NOC2L: variants seen among roughly 807,000 people sequenced by gnomAD.
NOC2L encodes nucleolar complex protein 2 homolog.
A neutral mutation model predicts 94.2 loss-of-function variants in NOC2L; 101 were observed. The observed-to-expected ratio is 1.07, with a 90% CI of 0.91 to 1.26. NOC2L has a LOEUF of 1.26. NOC2L is among the 50% of genes most tolerant of loss of function. NOC2L has a pLI of 0.00. For synonymous variants in NOC2L, 531 were observed against 413.4 expected (o/e 1.28, Z -3.45); for missense variants, 1,076 against 980.1 (o/e 1.10, Z -1.31).
At chr1:957,470 C>T (rs1642443875) in intron 2 of NOC2L, 197 bp from the exon 3 acceptor site, 1 of 593,528 alleles carries the variant, frequency 1.7e-6, no homozygotes, top group Non-Finnish European at 3.0e-6. Context: ...TACACAGGCC[C>T]CCCAGCCGCG....
chr1:952,267 C>G, intron 10 of NOC2L, 128 bp from the exon 11 acceptor site: 1 of 1,400,924 alleles, frequency 7.1e-7, no homozygotes, highest in Admixed American at 1.9e-5. Context: ...CCACCCTTCC[C>G]CCACCTGCAA....
intron 2 of NOC2L, chr1:958,603 C>T (rs371388299): frequency 3.7e-6 from 2 of 541,132 alleles, no homozygotes; most frequent in African/African-American, 1.9e-5. Context: ...TCTTCAGCCC[C>T]TCTGTCCTTC....
In NOC2L at chr1:945,593, C is replaced by T. The variant is rs1473280812; in HGVS notation, c.1978G>A (p.Asp660Asn). 8.7e-6 allele frequency: 14 copies of T among 1,613,874 alleles called. No individual in the cohort carries two copies. Among genetic ancestry groups the T allele is most frequent in the Admixed American group, 1.7e-5 (1 of 60,006 alleles). ...RRKMADRKDEDRKQFKDLFDL... is the reference protein window; with the variant it reads ...RRKMADRKDENRKQFKDLFDL... ...AAGAGGTCTTTAAATTGCTTCCTGTCCTCATCCTTCCTGTCAGCCATCTTC... is the reference window on the plus strand; with the variant it reads ...AAGAGGTCTTTAAATTGCTTCCTGTTCTCATCCTTCCTGTCAGCCATCTTC... The change falls in exon 17 of 19, where the codon GAC (aspartate) becomes AAC (asparagine). Residue 660 changes from aspartate to asparagine, a missense_variant. Asp to Asn is a conservative substitution (Grantham distance 23). Coordinates refer to ENST00000327044, the MANE Select transcript of NOC2L (RefSeq NM_015658.4).
At chr1:945,299 TC>T (rs1642071132) in intron 17 of NOC2L, 153 bp from the exon 18 acceptor site, 2 of 1,069,880 alleles carry the variant, frequency 1.9e-6, no homozygotes, top group Admixed American at 2.5e-5. Flanking sequence ...AACTGGGAGG[TC>T]ACAGGCCTGG....
chr1:950,452 C>T (rs1569942365), intron 12 of NOC2L, among the ~76,000 whole-genome samples: 1 of 151,974 alleles, frequency 6.6e-6, no homozygotes, highest in Non-Finnish European at 1.5e-5. Context: ...CACAGGTACA[C>T]ACGCATGTGC....
In NOC2L at chr1:944,355, T is replaced by G; in HGVS notation, c.*339A>C. The G allele has an allele frequency of 5.9e-6, 8 of 1,364,724 alleles. No individual in the cohort carries two copies. The highest frequency in any genetic ancestry group is 7.5e-6 in the Non-Finnish European group (8 of 1,066,076). The allele number at this position is 1,364,724 out of a possible 1,614,324, so 84.5% of individuals were successfully genotyped here. A position where few individuals can be genotyped will look rare whatever the true frequency, so the allele number is the denominator to read the frequency against. ...CAGAGCCTGGTGCAGATGGACGAGG[T>G]CTGCAGACGGAGGGCAGAGGTGGTG... On this transcript the variant is annotated 3_prime_UTR_variant, in exon 19 of 19. Coordinates refer to ENST00000327044, the MANE Select transcript of NOC2L (RefSeq NM_015658.4).
chr1:945,791 C>T (rs1642090621), intron 16 of NOC2L, 138 bp from the exon 17 acceptor site: 2 of 1,099,606 alleles, frequency 1.8e-6, no homozygotes, highest in Non-Finnish European at 2.7e-6. Flanking sequence ...AATCACAAAG[C>T]CATCCTCCAA....
In NOC2L at chr1:955,007, C is replaced by T. The variant is rs563340142; in HGVS notation, c.698+916G>A. Among the ~76,000 whole-genome samples, 19 of 152,376 alleles carry T rather than the reference C, an allele frequency of 1.2e-4. No individual in the cohort carries two copies. The South Asian group carries it at 1.4e-3, about 12-fold the overall frequency. ...CTGTGCTGACACTGGCTGCTGGGCA[C>T]CTGCAGCTGCCCACCCAGACCCAGG... On this transcript the variant is annotated intron_variant, in intron 6 of 18. Coordinates refer to ENST00000327044, the MANE Select transcript of NOC2L (RefSeq NM_015658.4).
chr1:944,564 AAT>A lies in NOC2L; in HGVS notation c.*128_*129del. ...TGGTCTTTCATGCTGAAAAATAAAT[AAT>A]AAAGCCTGTCCCGTGTCTACTGCCT... On this transcript the variant is annotated 3_prime_UTR_variant, in exon 19 of 19. Transcript: ENST00000327044. The A allele has an allele frequency of 1.6e-6, 1 of 638,518 alleles. No individual in the cohort carries two copies. The highest frequency in any genetic ancestry group is 2.7e-6 in the Non-Finnish European group (1 of 376,234). The allele number at this position is 638,518 out of a possible 1,614,324, so 39.6% of individuals were successfully genotyped here.
chr1:945,023 CAG>C (rs1203650547), intron 18 of NOC2L, 32 bp downstream of exon 18: 14 of 1,613,756 alleles, frequency 8.7e-6, no homozygotes, highest in Non-Finnish European at 1.2e-5. Context: ...GATGGGCTCA[CAG>C]GGCCACACCC....
intron 10 of NOC2L, 64 bp from the exon 11 acceptor site, chr1:952,203 C>A: frequency 6.3e-7 from 1 of 1,580,032 alleles, no homozygotes; most frequent in East Asian, 2.2e-5. Context: ...GCACGTTCCT[C>A]CTGGGCCGGC....
At chr1:945,884 G>A (rs1243794525) in intron 16 of NOC2L, among the ~76,000 whole-genome samples, 1 of 152,196 alleles carries the variant, frequency 6.6e-6, no homozygotes, top group Admixed American at 6.5e-5. Flanking sequence ...TACTGGCCTG[G>A]GTGACGAGGT....
chr1:947,998 G>A (rs368808022), intron 14 of NOC2L, 133 bp downstream of exon 14: 105 of 696,666 alleles, frequency 1.5e-4, no homozygotes, highest in South Asian at 3.2e-4. Context: ...CTCACGGGGC[G>A]CGTTGCCAGC....
Position 945,328 on chromosome 1 carries a change from C to T in NOC2L, c.2054-182G>A, listed in dbSNP as rs1642073761. ...AGGCCTGGGGACAGAGTTACCAATC[C>T]CAGTAGGCCTTCACTTCAAGGAGGG... On this transcript the variant is annotated intron_variant, in intron 17 of 18. Coordinates refer to ENST00000327044, the MANE Select transcript of NOC2L (RefSeq NM_015658.4). 5 of 951,518 alleles carry T rather than the reference C, an allele frequency of 5.3e-6. No homozygotes were observed. The African/African-American group carries it at 8.3e-5, about 16-fold the overall frequency. The allele number at this position is 951,518 out of a possible 1,614,324, so 58.9% of individuals were successfully genotyped here.
rs201894720 is a variant in NOC2L at position 944,787 on chromosome 1, G to A, written c.2157C>T (p.Asp719=). The change falls in exon 19 of 19, where the codon GAC becomes GAT. Residue 719 remains aspartate, a synonymous_variant. Transcript: ENST00000327044. The part of the protein sequence containing the change: ...DSSNSEDGDP[D]AEAGLAPGEL... The stretch of plus-strand genomic sequence containing the variant: ...CCCCAGGGGCCAGCCCCGCCTCTGC[G>A]TCTGGGTCTCCATCTGCGGGGAGAG... 650 of 1,590,180 alleles carry A rather than the reference G, an allele frequency of 4.1e-4. No individual in the cohort carries two copies. The highest frequency in any genetic ancestry group is 5.1e-4 in the Non-Finnish European group (597 of 1,172,280).
chr1:954,131 G>A (rs748920847), intron 6 of NOC2L, 49 bp from the exon 7 acceptor site: 21 of 1,574,830 alleles, frequency 1.3e-5, no homozygotes, highest in Middle Eastern at 1.7e-4. Context: ...CGGCTCGGAC[G>A]CGAGGCTGCT....
Position 955,963 on chromosome 1 carries a change from G to A in NOC2L, c.658C>T (p.Gln220Ter), listed in dbSNP as rs771799161. The A allele has an allele frequency of 1.5e-5, 24 of 1,613,316 alleles. No individual in the cohort carries two copies. Among genetic ancestry groups the A allele is most frequent in the East Asian group, 2.2e-5 (1 of 44,870 alleles). Residue 220 changes from glutamine to a stop codon, truncating the protein, a stop_gained, in exon 6 of 19, where the codon CAG becomes TAG. Transcript: ENST00000327044. LOFTEE classifies it high-confidence loss of function. The part of the protein sequence containing the change: ...FCIRDLIGCL[Q>*]KLLFGKVAKD... ...GCCACCTTTCCAAACAGCAGCTTCT[G>A]GAGACAGCCAATGAGGTCTCTGATG...
chr1:957,245 T>C lies in NOC2L; in HGVS notation c.208A>G (p.Lys70Glu). Residue 70 changes from lysine (K) to glutamate (E), a missense_variant, in exon 3 of 19, where the codon AAA becomes GAA. This residue lies in a region of NOC2L where 457 missense variants were observed against 386.0 expected (regional missense o/e 1.18). Transcript: ENST00000327044. Reference sequence around the variant, plus strand: ...TCCTTCAGCCGAGAGAGCTGGTCTTTGTGCTCAGAGGCACGGCCTTTACGC... The same window carrying C: ...TCCTTCAGCCGAGAGAGCTGGTCTTCGTGCTCAGAGGCACGGCCTTTACGC... ...SRRKGRASEH[K>E]DQLSRLKDRD... 1 of 1,613,836 alleles carries C rather than the reference T, an allele frequency of 6.2e-7. No individual in the cohort carries two copies. Among genetic ancestry groups the C allele is most frequent in the Non-Finnish European group, 8.5e-7 (1 of 1,180,022 alleles).
chr1:949,519 T>C (rs1642197647), intron 12 of NOC2L, among the ~76,000 whole-genome samples: 1 of 152,248 alleles, frequency 6.6e-6, no homozygotes, highest in Non-Finnish European at 1.5e-5. Context: ...TGTTTTAGCT[T>C]TTAGGGTTTG....
Sources: allele counts gnomAD v4.1 joint callset (sites outside exome capture counted in the v4.1 genomes callset), GRCh38; gene constraint gnomAD v4.1.1; regional missense constraint gnomAD v4.1.1; transcripts MANE v1.5; gene names NCBI Gene and HGNC (gene_info 2026-07-23, HGNC 2026-07-21).